PCDHGB3: variants seen among roughly 807,000 people sequenced by gnomAD.
The protein encoded by PCDHGB3 is protocadherin gamma subfamily B, 3.
Under a neutral mutation model 59.2 loss-of-function variants are expected in PCDHGB3, and 40 were observed. That is an observed-to-expected ratio of 0.68 (90% confidence interval 0.52 to 0.88). PCDHGB3 has a LOEUF of 0.88. PCDHGB3 is among the 40% of genes least tolerant of loss of function. The pLI is 0.00. For synonymous variants in PCDHGB3, 581 were observed against 503.6 expected (o/e 1.15, Z -2.06); for missense variants, 1,309 against 1,187.9 (o/e 1.10, Z -1.50).
chr5:141,449,994 G>T (rs2098661673), intron 1 of PCDHGB3, among the ~76,000 whole-genome samples: 2 of 131,786 alleles, frequency 1.5e-5, no homozygotes, highest in Admixed American at 7.9e-5. Context: ...ATTGCATTTA[G>T]TTGCCATGTC....
At chr5:141,403,740 C>T in intron 1 of PCDHGB3, 1 of 1,613,920 alleles carries the variant, frequency 6.2e-7, no homozygotes, top group Non-Finnish European at 8.5e-7. Flanking sequence ...TGGCTGCTTA[C>T]TGCAACAGCC....
chr5:141,378,017 A>G (rs1371705744), intron 1 of PCDHGB3: 1 of 152,202 alleles, frequency 6.6e-6, no homozygotes, highest in South Asian at 2.1e-4. Flanking sequence ...AGCTCTACTT[A>G]TATTATTTTT....
chr5:141,395,097 G>A lies in PCDHGB3; in HGVS notation c.2415+22288G>A, dbSNP rs376460647. The A allele has an allele frequency of 1.3e-5, 21 of 1,614,040 alleles. No homozygotes were observed. Among genetic ancestry groups the A allele is most frequent in the Non-Finnish European group, 1.7e-5 (20 of 1,180,038 alleles). On this transcript the variant is annotated intron_variant, in intron 1 of 3. Coordinates refer to ENST00000576222, the MANE Select transcript of PCDHGB3 (RefSeq NM_018924.5). ...TTCCCAGGAAGTCTCCCTCACCGCC[G>A]ACTCGCGGAAGAGTCACCTGATCTT...
intron 1 of PCDHGB3, chr5:141,415,033 C>G (rs1207811183): frequency 1.2e-6 from 2 of 1,613,456 alleles, no homozygotes; most frequent in South Asian, 1.1e-5. Flanking sequence ...CGAGCCGGGA[C>G]TCTTCGCGGT....
At chr5:141,375,102 T>C (rs1185155280) in intron 1 of PCDHGB3, 3 of 1,613,868 alleles carry the variant, frequency 1.9e-6, no homozygotes, top group Non-Finnish European at 2.5e-6. Flanking sequence ...ATCTTGGATG[T>C]CAATGATAAT....
chr5:141,427,628 G>A (rs1308356581), intron 1 of PCDHGB3: 2 of 700,966 alleles, frequency 2.9e-6, no homozygotes, highest in Admixed American at 2.0e-5. Flanking sequence ...ACAATGCTCC[G>A]GTTTTCCACC....
intron 1 of PCDHGB3, chr5:141,427,677 C>G: frequency 1.2e-6 from 1 of 816,672 alleles, no homozygotes; most frequent in Non-Finnish European, 2.1e-6. Context: ...AAACAACCTT[C>G]CCGGAGCCTC....
chr5:141,408,307 C>T, intron 1 of PCDHGB3: 1 of 1,613,820 alleles, frequency 6.2e-7, no homozygotes, highest in East Asian at 2.2e-5. Flanking sequence ...CGATCCGCTA[C>T]TCGATTCCGG....
At position 141,371,300 on chromosome 5, in the gene PCDHGB3, C is replaced by G; in HGVS notation, c.906C>G (p.Thr302=). 6.2e-7 allele frequency: 1 copy of G among 1,613,950 alleles called. No homozygotes were observed. Among genetic ancestry groups the G allele is most frequent in the Non-Finnish European group, 8.5e-7 (1 of 1,179,878 alleles). ...TGGACAGTAAAACGGGGGAACTCAC[C>G]ACTATTGGAGAACTGGACTTTGAAG... is the stretch of plus-strand genomic sequence containing the variant. ...FKLDSKTGEL[T]TIGELDFEER... Residue 302 remains threonine (T), a synonymous_variant, in exon 1 of 4, where the codon ACC becomes ACG. Coordinates refer to ENST00000576222, the MANE Select transcript of PCDHGB3 (RefSeq NM_018924.5).
At chr5:141,495,015 G>C in intron 2 of PCDHGB3, 150 bp downstream of exon 2, 2 of 1,507,428 alleles carry the variant, frequency 1.3e-6, no homozygotes, top group East Asian at 4.9e-5. Flanking sequence ...CGGGGGGCTG[G>C]CACACAGACC....
rs371690754 is a variant in PCDHGB3 at position 141,388,891 on chromosome 5, T to C, written c.2415+16082T>C. 1.9e-5 allele frequency: 31 copies of C among 1,613,872 alleles called. No individual in the cohort carries two copies. Among genetic ancestry groups the C allele is most frequent in the Middle Eastern group, 1.6e-4 (1 of 6,062 alleles). On this transcript the variant is annotated intron_variant, in intron 1 of 3. Coordinates refer to ENST00000576222, the MANE Select transcript of PCDHGB3 (RefSeq NM_018924.5). ...CAATGCACAGTGGAGGTAGAAGTCA[T>C]AGATGAAAATGACAACGCCCCAGAA... is the stretch of plus-strand genomic sequence containing the variant.
chr5:141,383,853 G>A (rs942698942), intron 1 of PCDHGB3: 7 of 1,613,828 alleles, frequency 4.3e-6, no homozygotes, highest in African/African-American at 2.7e-5. Flanking sequence ...ATGAAATGGA[G>A]GTTCAGGCTC....
intron 1 of PCDHGB3, chr5:141,379,491 C>T (rs1173749207): frequency 6.6e-6 from 1 of 152,150 alleles, no homozygotes; most frequent in Non-Finnish European, 1.5e-5. Context: ...ACTATACTAC[C>T]AATTTGGGAT....
intron 1 of PCDHGB3, chr5:141,384,456 C>A (rs145938509): frequency 6.2e-7 from 1 of 1,614,054 alleles, no homozygotes; most frequent in East Asian, 2.2e-5. Flanking sequence ...CGCTGCAATC[C>A]TTTGATTATG....
intron 1 of PCDHGB3, chr5:141,389,801 C>T: frequency 6.2e-7 from 1 of 1,613,766 alleles, no homozygotes; most frequent in South Asian, 1.1e-5. Context: ...TCCGCCAGCG[C>T]CTTCTGGTCG....
intron 1 of PCDHGB3, among the ~76,000 whole-genome samples, chr5:141,450,099 C>T (rs2098669229): frequency 6.6e-6 from 1 of 151,500 alleles, no homozygotes; most frequent in African/African-American, 2.4e-5. Flanking sequence ...CTCCGCCTCC[C>T]AGGTTCAAAT....
At chr5:141,405,029 C>A (rs565871444) in intron 1 of PCDHGB3, 1 of 1,613,976 alleles carries the variant, frequency 6.2e-7, no homozygotes, top group South Asian at 1.1e-5. Context: ...TACCCTCTAC[C>A]TCGTTGTGGC....
At chr5:141,472,668 C>T (rs2099292239) in intron 1 of PCDHGB3, among the ~76,000 whole-genome samples, 1 of 151,742 alleles carries the variant, frequency 6.6e-6, no homozygotes, top group African/African-American at 2.4e-5. Context: ...ATCCTGTATA[C>T]TGGTCCTTCC....
In PCDHGB3 at chr5:141,461,830, C is replaced by CT. The variant is rs1030113508; in HGVS notation, c.2416-32967dup. On this transcript the variant is annotated intron_variant, in intron 1 of 3. Transcript: ENST00000576222. Reference sequence around the variant, plus strand: ...CACCACACCCAGCTAATTTTTTTTTCTTTTTTTTTTGAGACAGAGTTTTGC... The same window carrying CT: ...CACCACACCCAGCTAATTTTTTTTTCTTTTTTTTTTTGAGACAGAGTTTTGC... Among the ~76,000 whole-genome samples, 192 of 145,246 alleles carry CT rather than the reference C, an allele frequency of 1.3e-3. 1 individual carries two copies. In the Middle Eastern group the frequency reaches 0.022, roughly 16 times the overall value.
Sources: allele counts gnomAD v4.1 joint callset (sites outside exome capture counted in the v4.1 genomes callset), GRCh38; gene constraint gnomAD v4.1.1; transcripts MANE v1.5; gene names NCBI Gene and HGNC (gene_info 2026-07-23, HGNC 2026-07-21).